The following APOC2 variants were observed in gnomAD, a reference collection of about 807,000 sequenced individuals.
APOC2 encodes apolipoprotein C2.
In APOC2, 6 loss-of-function variants were observed where a neutral mutation model predicts 10.2. The observed-to-expected ratio is 0.59, with a 90% CI of 0.32 to 1.16. The LOEUF (loss-of-function observed/expected upper bound fraction) is 1.16. Ranked by LOEUF, APOC2 falls within the 50% of genes most tolerant of loss-of-function variation. The probability of loss-of-function intolerance (pLI) is 0.05; values close to 1 mark genes in which losing one functional copy is unlikely to be tolerated. For missense variants in APOC2, 110 were observed against 117.6 expected (o/e 0.94, Z 0.30); for synonymous variants, 56 against 48.5 (o/e 1.15, Z -0.64).
rs148445956 is a variant in APOC2 at position 44,948,850 on chromosome 19, G to T, written c.205G>T (p.Glu69Ter). Residue 69 changes from glutamate to a stop codon, truncating the protein, a stop_gained, in exon 3 of 4, where the codon GAG becomes TAG. Coordinates refer to ENST00000252490, the MANE Select transcript of APOC2 (RefSeq NM_000483.5). LOFTEE classifies it low-confidence loss of function (END_TRUNC). ...GAAGACATACCTGCCCGCTGTAGAT[G>T]AGAAACTCAGGTAGCACCTGCCCCT... Reference protein sequence around the residue: ...YEKTYLPAVDEKLRDLYSKST... With the variant: ...YEKTYLPAVD The T allele has an allele frequency of 6.2e-7, 1 of 1,612,782 alleles. No homozygotes were observed. The highest frequency in any genetic ancestry group is 1.1e-5 in the South Asian group (1 of 91,090).
In APOC2 at chr19:44,949,556, G is replaced by C. The variant is rs949641990; in HGVS notation, c.*307G>C. ...CAGTGAATAGTAACAATAAATAATCGTAACAGCAATTAGAGACTAATCTTT... is the reference window on the plus strand; with the variant it reads ...CAGTGAATAGTAACAATAAATAATCCTAACAGCAATTAGAGACTAATCTTT... On this transcript the variant is annotated 3_prime_UTR_variant, in exon 4 of 4. Transcript: ENST00000252490. 8.3e-6 allele frequency: 3 copies of C among 359,562 alleles called. No homozygotes were observed. The highest frequency in any genetic ancestry group is 6.2e-5 in the African/African-American group (3 of 48,320). The allele number at this position is 359,562 out of a possible 1,614,324, so 22.3% of individuals were successfully genotyped here.
At chr19:44,947,572 G>C (rs1343920342) in intron 1 of APOC2, among the ~76,000 whole-genome samples, 1 of 152,102 alleles carries the variant, frequency 6.6e-6, no homozygotes, top group African/African-American at 2.4e-5. Context: ...GAGATGGGAG[G>C]ATCGCTTGAG....
At chr19:44,948,403 G>T in intron 1 of APOC2, 63 bp from the exon 2 acceptor site, 1 of 1,407,778 alleles carries the variant, frequency 7.1e-7, no homozygotes, top group Non-Finnish European at 1.0e-6. Context: ...CCAGAGTGGG[G>T]CGTGACCACA....
At position 44,948,573 on chromosome 19, in the gene APOC2, G is replaced by A. The variant is rs762369098; in HGVS notation, c.55+40G>A. On this transcript the variant is annotated intron_variant, in intron 2 of 3. Transcript: ENST00000252490. ...CCGGGGAGGGAAGCCTTGGGGAGGG[G>A]AATGAGCTCCAAGCATCTTCCCAGC... 23 of 1,608,516 alleles carry A rather than the reference G, an allele frequency of 1.4e-5. No individual in the cohort carries two copies. In the Admixed American group the frequency reaches 3.8e-4, roughly 27 times the overall value.
At position 44,948,449 on chromosome 19, in the gene APOC2, C is replaced by A. The variant is rs373211202; in HGVS notation, c.-13-17C>A. The stretch of plus-strand genomic sequence containing the variant: ...CCTCCAGTCAGCCTGCCACATGACA[C>A]CCCCTCAATGTTCCAGGTCTCTGGA... On this transcript the variant is annotated splice_polypyrimidine_tract_variant and intron_variant, in intron 1 of 3. Coordinates refer to ENST00000252490, the MANE Select transcript of APOC2 (RefSeq NM_000483.5). The A allele has an allele frequency of 1.4e-5, 22 of 1,610,144 alleles. No individual in the cohort carries two copies. Among genetic ancestry groups the A allele is most frequent in the Middle Eastern group, 3.3e-4 (2 of 6,050 alleles).
chr19:44,949,544 C>A lies in APOC2; in HGVS notation c.*295C>A, dbSNP rs1020355966. 31 of 422,720 alleles carry A rather than the reference C, an allele frequency of 7.3e-5. No homozygotes were observed. In the Admixed American group the frequency reaches 7.4e-4, roughly 10 times the overall value. The allele number at this position is 422,720 out of a possible 1,614,324, so 26.2% of individuals were successfully genotyped here. A position where few individuals can be genotyped will look rare whatever the true frequency, so the allele number is the denominator to read the frequency against. On this transcript the variant is annotated 3_prime_UTR_variant, in exon 4 of 4. Transcript: ENST00000252490. ...ATGGGAATAAAGCAGTGAATAGTAA[C>A]AATAAATAATCGTAACAGCAATTAG...
intron 1 of APOC2, 153 bp from the exon 2 acceptor site, chr19:44,948,313 G>A: frequency 2.9e-6 from 2 of 689,262 alleles, no homozygotes; most frequent in Non-Finnish European, 5.4e-6. Flanking sequence ...GGCCCAAGAA[G>A]GGGGCTGTGT....
chr19:44,946,234 T>TGTGTGTGTGTGAGAGAGA (rs1236986911), intron 1 of APOC2, among the ~76,000 whole-genome samples, 159 bp downstream of exon 1: 9 of 132,830 alleles, frequency 6.8e-5, no homozygotes, highest in African/African-American at 2.7e-4. Flanking sequence ...TGTGTGTGTG[T>TGTGTGTGTGTGAGAGAGA]GAGAGAGAGA....
intron 3 of APOC2, 132 bp from the exon 4 acceptor site, chr19:44,949,027 C>T (rs1970355155): frequency 1.1e-5 from 11 of 1,002,246 alleles, no homozygotes; most frequent in East Asian, 3.1e-5. Flanking sequence ...CTCCCTCAGA[C>T]CCAGGAGTCC....
At position 44,949,144 on chromosome 19, in the gene APOC2, G is replaced by C. The variant is rs1389619673; in HGVS notation, c.216-15G>C. The C allele has an allele frequency of 3.7e-6, 6 of 1,610,884 alleles. No homozygotes were observed. The African/African-American group carries it at 6.7e-5, about 18-fold the overall frequency. On this transcript the variant is annotated splice_polypyrimidine_tract_variant and intron_variant, in intron 3 of 3. Coordinates refer to ENST00000252490, the MANE Select transcript of APOC2 (RefSeq NM_000483.5). ...CAGCCCCTCCTCCCTCTAACCATCT[G>C]TGCTTTCTCCCCAGGGACTTGTACA...
intron 1 of APOC2, chr19:44,947,179 T>C (rs1385647688): frequency 6.6e-6 from 1 of 151,732 alleles, no homozygotes; most frequent in Non-Finnish European, 1.5e-5. Context: ...TGTAGACCAT[T>C]TGCTTGTGTT....
At chr19:44,947,361 G>C (rs1284826070) in intron 1 of APOC2, 1 of 152,276 alleles carries the variant, frequency 6.6e-6, no homozygotes, top group Admixed American at 6.5e-5. Flanking sequence ...ACTTAGGGCA[G>C]AGCCCTAAGG....
chr19:44,946,523 AAAAGAG>A (rs1970323462), intron 1 of APOC2, among the ~76,000 whole-genome samples: 1 of 151,682 alleles, frequency 6.6e-6, no homozygotes, highest in Non-Finnish European at 1.5e-5. Flanking sequence ...CCATTTCTAA[AAAAGAG>A]AAAGAAAAAG....
chr19:44,947,865 C>T (rs1031662695), intron 1 of APOC2, among the ~76,000 whole-genome samples: 2 of 152,142 alleles, frequency 1.3e-5, no homozygotes, highest in South Asian at 2.1e-4. Context: ...GTCAGAAGTT[C>T]GAGACCAGCC....
intron 1 of APOC2, among the ~76,000 whole-genome samples, chr19:44,947,567 G>C (rs549587863): frequency 6.6e-6 from 1 of 152,152 alleles, no homozygotes; most frequent in African/African-American, 2.4e-5. Context: ...AGGCCGAGAT[G>C]GGAGGATCGC....
At position 44,949,334 on chromosome 19, in the gene APOC2, T is replaced by C; in HGVS notation, c.*85T>C. ...TTCAGACTGAGCTCCCCCTTCCCAGTAGCTCTTGCATCCTCCTCCCAACTC... is the reference window on the plus strand; with the variant it reads ...TTCAGACTGAGCTCCCCCTTCCCAGCAGCTCTTGCATCCTCCTCCCAACTC... On this transcript the variant is annotated 3_prime_UTR_variant, in exon 4 of 4. Coordinates refer to ENST00000252490, the MANE Select transcript of APOC2 (RefSeq NM_000483.5). 6 of 996,330 alleles carry C rather than the reference T, an allele frequency of 6.0e-6. No homozygotes were observed. In the South Asian group the frequency reaches 8.1e-5, roughly 13 times the overall value. 61.7% of individuals were successfully genotyped at this position (996,330 alleles called of 1,614,324 possible).
intron 1 of APOC2, among the ~76,000 whole-genome samples, chr19:44,946,330 T>C (rs555887357): frequency 2.0e-5 from 3 of 151,704 alleles, no homozygotes; most frequent in South Asian, 4.2e-4. Flanking sequence ...GCCTCCCCAG[T>C]AGCTGGGACT....
At position 44,949,214 on chromosome 19, in the gene APOC2, G is replaced by A; in HGVS notation, c.271G>A (p.Asp91Asn). Residue 91 changes from aspartate (D) to asparagine (N), a missense_variant, in exon 4 of 4, where the codon GAC (aspartate) becomes AAC (asparagine). By Grantham distance (23) the Asp-to-Asn change is conservative. Coordinates refer to ENST00000252490, the MANE Select transcript of APOC2 (RefSeq NM_000483.5). Reference protein sequence around the residue: ...AMSTYTGIFTDQVLSVLKGEE With the variant: ...AMSTYTGIFTNQVLSVLKGEE ...GAGCACTTACACAGGCATTTTTACT[G>A]ACCAAGTTCTTTCTGTGCTGAAGGG... 6.2e-7 allele frequency: 1 copy of A among 1,614,008 alleles called. No individual in the cohort carries two copies.
chr19:44,948,212 G>C, intron 1 of APOC2: 1 of 380,572 alleles, frequency 2.6e-6, no homozygotes, highest in South Asian at 2.4e-5. Context: ...CTCCAGCCTG[G>C]GCAACAGAGT....
Sources: allele counts gnomAD v4.1 joint callset (sites outside exome capture counted in the v4.1 genomes callset), GRCh38; gene constraint gnomAD v4.1.1; transcripts MANE v1.5; gene names NCBI Gene and HGNC (gene_info 2026-07-23, HGNC 2026-07-21).